RBFOX1: variants seen among roughly 807,000 people sequenced by gnomAD.
RBFOX1 encodes the protein RNA binding fox-1 homolog 1.
Under a neutral mutation model 57.7 loss-of-function variants are expected in RBFOX1, and 8 were observed. The observed-to-expected ratio is 0.14, with a 90% CI of 0.08 to 0.25. The LOEUF is 0.25. RBFOX1 is among the 10% of genes least tolerant of loss of function. The probability of loss-of-function intolerance (pLI) is 1.00; values close to 1 mark genes in which losing one functional copy is unlikely to be tolerated. For missense variants in RBFOX1, 611 were observed against 548.5 expected, an observed-to-expected ratio of 1.11 and a Z score of -1.14; for synonymous variants, 326 against 222.4, an observed-to-expected ratio of 1.47 and a Z score of -4.15.
intron 3 of RBFOX1, among the ~76,000 whole-genome samples, chr16:6,780,555 T>G (rs893962696): frequency 4.4e-5 from 5 of 114,286 alleles, no homozygotes; most frequent in Non-Finnish European, 8.1e-5. Context: ...CATATATATT[T>G]ACATATTTAT....
At chr16:6,524,141 G>A (rs1218447101) in intron 2 of RBFOX1, among the ~76,000 whole-genome samples, 6 of 151,840 alleles carry the variant, frequency 4.0e-5, no homozygotes, top group East Asian at 3.9e-4. Flanking sequence ...TTCCTCCCCC[G>A]ACACTACCTT....
rs1335403425 is a variant in RBFOX1, at chr16:6,644,240, G to GTTTGGAT, written c.-63-10363_-63-10362insTTTGGAT. On this transcript the variant is annotated intron_variant, in intron 2 of 15. Coordinates refer to ENST00000550418, the MANE Select transcript of RBFOX1 (RefSeq NM_018723.4). ...AGCCGTTGTTATTTTCACAACAATA[G>GTTTGGAT]GCAATGTAAGCATGCATCCAAACTA... is the stretch of plus-strand genomic sequence containing the variant. Among the ~76,000 whole-genome samples, 6 of 152,266 alleles carry GTTTGGAT rather than the reference G, an allele frequency of 3.9e-5. No homozygotes were observed. The East Asian group carries it at 1.2e-3, about 29-fold the overall frequency.
chr16:6,519,084 G>A (rs1020993954), intron 2 of RBFOX1, among the ~76,000 whole-genome samples: 3 of 151,466 alleles, frequency 2.0e-5, no homozygotes, highest in Non-Finnish European at 4.4e-5. Flanking sequence ...GCCACCCATC[G>A]TATGCACAAA....
intron 3 of RBFOX1, among the ~76,000 whole-genome samples, chr16:5,810,985 T>C (rs553994237): frequency 6.6e-6 from 1 of 152,250 alleles, no homozygotes; most frequent in East Asian, 1.9e-4. Flanking sequence ...AATGAAAATA[T>C]CCATCACTCC....
intron 4 of RBFOX1, among the ~76,000 whole-genome samples, chr16:7,412,681 C>G (rs1358152842): frequency 4.6e-5 from 7 of 152,148 alleles, no homozygotes; most frequent in Non-Finnish European, 1.0e-4. Flanking sequence ...AGGCTTTTAC[C>G]CCATGGTAAA....
chr16:7,063,185 T>C (rs1247612610), intron 4 of RBFOX1, among the ~76,000 whole-genome samples: 1 of 151,986 alleles, frequency 6.6e-6, no homozygotes, highest in Non-Finnish European at 1.5e-5. Context: ...CCTGAATTTG[T>C]ACATCTTTTT....
intron 2 of RBFOX1, among the ~76,000 whole-genome samples, chr16:6,598,197 G>A (rs2097796991): frequency 6.6e-6 from 1 of 152,128 alleles, no homozygotes; most frequent in African/African-American, 2.4e-5. Context: ...AATATGTAGG[G>A]TTTTTTAAAT....
At chr16:6,933,654 A>G (rs1295096097) in intron 3 of RBFOX1, among the ~76,000 whole-genome samples, 3 of 152,238 alleles carry the variant, frequency 2.0e-5, no homozygotes, top group African/African-American at 7.2e-5. Context: ...GAGAGGTTGC[A>G]GTGAGTCAAG....
At chr16:6,016,415 G>C (rs770457427), upstream of RBFOX1, among the ~76,000 whole-genome samples, 18 of 152,196 alleles carry the variant, frequency 1.2e-4, no homozygotes, top group Non-Finnish European at 2.2e-4. Context: ...TACAACAAGA[G>C]AAAAGCCCTC....
chr16:6,817,307 A>T (rs2090292208), intron 3 of RBFOX1, among the ~76,000 whole-genome samples: 1 of 151,962 alleles, frequency 6.6e-6, no homozygotes, highest in Admixed American at 6.6e-5. Context: ...CATTTAACCA[A>T]AGCCCCTCTC....
chr16:7,266,425 C>A (rs901511425), intron 4 of RBFOX1, among the ~76,000 whole-genome samples: 1 of 152,206 alleles, frequency 6.6e-6, no homozygotes, highest in African/African-American at 2.4e-5. Flanking sequence ...CCAGCAGATG[C>A]CTGCGCCATG....
chr16:6,803,200 C>G (rs758551471), intron 3 of RBFOX1, among the ~76,000 whole-genome samples: 5 of 151,992 alleles, frequency 3.3e-5, no homozygotes, highest in Non-Finnish European at 5.9e-5. Context: ...TGAAAATAGT[C>G]GAAAATGTTC....
intron 1 of RBFOX1, among the ~76,000 whole-genome samples, chr16:6,282,153 C>A (rs1166646169): frequency 6.6e-6 from 1 of 152,160 alleles, no homozygotes; most frequent in Non-Finnish European, 1.5e-5. Flanking sequence ...TCTGAATTCA[C>A]AAGTATTGAC....
chr16:6,624,639 A>C (rs1193334476), intron 2 of RBFOX1, among the ~76,000 whole-genome samples: 1 of 152,166 alleles, frequency 6.6e-6, no homozygotes, highest in Admixed American at 6.5e-5. Flanking sequence ...TATGAAAACA[A>C]ATGGGGTTTT....
intron 2 of RBFOX1, among the ~76,000 whole-genome samples, chr16:6,602,654 G>T (rs772631113): frequency 6.6e-6 from 1 of 152,174 alleles, no homozygotes; most frequent in Non-Finnish European, 1.5e-5. Flanking sequence ...AGGTGGCCAG[G>T]TACTCACTGA....
intron 1 of RBFOX1, among the ~76,000 whole-genome samples, chr16:5,383,754 C>A (rs898307480): frequency 6.6e-6 from 1 of 152,192 alleles, no homozygotes; most frequent in Non-Finnish European, 1.5e-5. Flanking sequence ...AGGACCTCAG[C>A]CATTCCCTAG....
At chr16:7,432,357 T>G (rs2098688847) in intron 4 of RBFOX1, among the ~76,000 whole-genome samples, 1 of 152,184 alleles carries the variant, frequency 6.6e-6, no homozygotes, top group African/African-American at 2.4e-5. Flanking sequence ...CCACTCATCT[T>G]TACTCTTTGA....
At chr16:7,102,398 G>A (rs76090679) in intron 4 of RBFOX1, among the ~76,000 whole-genome samples, 2 of 152,114 alleles carry the variant, frequency 1.3e-5, no homozygotes, top group South Asian at 2.1e-4. Context: ...TTAAATAGTC[G>A]CTTTCAAGCA....
rs114961609 is a variant in RBFOX1, at chr16:5,573,112, C to T, written c.259-25790C>T. 4.4e-3 allele frequency among the ~76,000 whole-genome samples: 672 copies of T among 152,130 alleles called. 10 individuals are homozygous for T. Among genetic ancestry groups the T allele is most frequent in the African/African-American group, 0.015 (616 of 41,514 alleles). ...GGATCGGATGGTGGGATGGAGATGACGAGAATTGGGAGGTTCTGGTTCTGT... is the reference window on the plus strand; with the variant it reads ...GGATCGGATGGTGGGATGGAGATGATGAGAATTGGGAGGTTCTGGTTCTGT... On this transcript the variant is annotated intron_variant, in intron 2 of 2. Transcript: ENST00000585867.
Sources: allele counts gnomAD v4.1 joint callset (sites outside exome capture counted in the v4.1 genomes callset), GRCh38; gene constraint gnomAD v4.1.1; transcripts MANE v1.5; gene names NCBI Gene and HGNC (gene_info 2026-07-23, HGNC 2026-07-21).